STAC: variants seen among roughly 807,000 people sequenced by gnomAD.
STAC encodes SH3 and cysteine-rich domain-containing protein.
STAC carries 43 observed loss-of-function variants against 48.8 expected under a neutral mutation model. The ratio of observed to expected loss-of-function variants is 0.88; its 90% CI spans 0.69 to 1.14. The LOEUF is 1.14. Ranked by LOEUF, STAC falls within the 50% of genes most tolerant of loss-of-function variation. STAC has a pLI of 0.00. For synonymous variants in STAC, 193 were observed against 179.5 expected (o/e 1.07, Z -0.60); for missense variants, 497 against 504.0 (o/e 0.99, Z 0.13).
At chr3:36,398,710 G>GAA (rs1699940195) in intron 1 of STAC, among the ~76,000 whole-genome samples, 1 of 151,654 alleles carries the variant, frequency 6.6e-6, no homozygotes, top group Non-Finnish European at 1.5e-5. Context: ...AAGAAAGAAA[G>GAA]AGAGAAAGAA....
intron 8 of STAC, among the ~76,000 whole-genome samples, chr3:36,511,153 GGTT>G (rs1431143176): frequency 1.3e-5 from 2 of 151,484 alleles, no homozygotes; most frequent in Non-Finnish European, 2.9e-5. Context: ...GTGTTTCAGG[GGTT>G]GTTAAGCTAG....
intron 2 of STAC, among the ~76,000 whole-genome samples, chr3:36,449,981 C>G (rs1387289812): frequency 6.6e-6 from 1 of 152,206 alleles, no homozygotes. Flanking sequence ...TTGGCTCTTC[C>G]TACTGGAACA....
chr3:36,506,044 A>C (rs2125714123), intron 8 of STAC: 1 of 396,034 alleles, frequency 2.5e-6, no homozygotes, highest in Non-Finnish European at 4.6e-6. Flanking sequence ...GGGCCTCAGA[A>C]GTTGCATTCC....
intron 1 of STAC, among the ~76,000 whole-genome samples, chr3:36,399,574 C>T (rs889923509): frequency 6.6e-6 from 1 of 152,134 alleles, no homozygotes; most frequent in Admixed American, 6.5e-5. Flanking sequence ...GGCAAGATTT[C>T]ATTTGGCCAA....
intron 5 of STAC, among the ~76,000 whole-genome samples, chr3:36,490,859 G>A (rs563697443): frequency 6.6e-6 from 1 of 152,244 alleles, no homozygotes; most frequent in South Asian, 2.1e-4. Context: ...CTGGTTTTAG[G>A]AGCAAAAAGC....
chr3:36,543,922 T>C (rs755927698), intron 10 of STAC, among the ~76,000 whole-genome samples: 2 of 152,212 alleles, frequency 1.3e-5, no homozygotes, highest in Non-Finnish European at 2.9e-5. Context: ...AATTTAAATA[T>C]TTAAATTCAA....
At chr3:36,398,601 A>G (rs13317971) in intron 1 of STAC, among the ~76,000 whole-genome samples, 478 of 35,324 alleles carry the variant, frequency 0.014, 16 homozygotes, top group African/African-American at 0.035. Context: ...AGGAAGGAAG[A>G]AAGGAAGGAG....
At chr3:36,465,411 T>C (rs1271963172) in intron 2 of STAC, among the ~76,000 whole-genome samples, 3 of 152,218 alleles carry the variant, frequency 2.0e-5, no homozygotes, top group Non-Finnish European at 4.4e-5. Flanking sequence ...CTGTGGGCTG[T>C]GTGTTAACTC....
chr3:36,421,601 G>GCTCT (rs1170406025), intron 1 of STAC, among the ~76,000 whole-genome samples: 1 of 151,994 alleles, frequency 6.6e-6, no homozygotes, highest in Non-Finnish European at 1.5e-5. Context: ...TAACCCAGAA[G>GCTCT]CTCTCTCTTA....
At chr3:36,480,629 C>A (rs1697616821) in intron 2 of STAC, among the ~76,000 whole-genome samples, 1 of 152,180 alleles carries the variant, frequency 6.6e-6, no homozygotes, top group African/African-American at 2.4e-5. Context: ...TGAAACTAGG[C>A]AGGACCTTCT....
At chr3:36,492,698 TGGAA>T (rs1698023894) in intron 5 of STAC, among the ~76,000 whole-genome samples, 2 of 152,226 alleles carry the variant, frequency 1.3e-5, no homozygotes, top group African/African-American at 2.4e-5. Context: ...TTTGCAGCAG[TGGAA>T]ACAGTATTTA....
rs566149297 is a variant in STAC at position 36,523,612 on chromosome 3, T to G, written c.921-5084T>G. Among the ~76,000 whole-genome samples, 5 of 152,352 alleles carry G rather than the reference T, an allele frequency of 3.3e-5. No homozygotes were observed. In the East Asian group the frequency reaches 9.6e-4, roughly 29 times the overall value. ...CTCCTAAAAGCAAGAGAATAACTAT[T>G]AAGCCAGAGAAGGACTTTTCTCAAA... is the stretch of plus-strand genomic sequence containing the variant. On this transcript the variant is annotated intron_variant, in intron 8 of 10. Coordinates refer to ENST00000273183, the MANE Select transcript of STAC (RefSeq NM_003149.3).
intron 1 of STAC, among the ~76,000 whole-genome samples, chr3:36,435,858 C>T (rs1700820954): frequency 6.6e-6 from 1 of 152,186 alleles, no homozygotes. Flanking sequence ...CAGCTTCTAA[C>T]ACACTCCTCT....
intron 1 of STAC, among the ~76,000 whole-genome samples, chr3:36,427,614 C>T (rs1700597021): frequency 1.3e-5 from 2 of 152,152 alleles, no homozygotes; most frequent in Non-Finnish European, 2.9e-5. Context: ...GATTCACTTC[C>T]AGATTCACTA....
intron 8 of STAC, 39 bp downstream of exon 8, chr3:36,505,873 TAA>T: frequency 7.1e-7 from 1 of 1,404,952 alleles, no homozygotes; most frequent in Non-Finnish European, 9.9e-7. Flanking sequence ...AGTAAAATTT[TAA>T]AGTCAGTATT....
intron 2 of STAC, among the ~76,000 whole-genome samples, chr3:36,470,233 T>C (rs1463785426): frequency 2.0e-5 from 3 of 152,222 alleles, no homozygotes; most frequent in Non-Finnish European, 4.4e-5. Context: ...AGGGCTGCTG[T>C]GAGATTCTTT....
intron 8 of STAC, among the ~76,000 whole-genome samples, chr3:36,507,975 T>C (rs1164429739): frequency 1.3e-5 from 2 of 152,164 alleles, no homozygotes; most frequent in African/African-American, 4.8e-5. Flanking sequence ...TCAAATTTGT[T>C]TGCTCTTGCT....
chr3:36,409,351 T>C (rs1460997513), intron 1 of STAC, among the ~76,000 whole-genome samples: 1 of 152,216 alleles, frequency 6.6e-6, no homozygotes, highest in Non-Finnish European at 1.5e-5. Flanking sequence ...TGATTTATGC[T>C]TAACAAGGTT....
Position 36,493,208 on chromosome 3 carries a change from C to T in STAC, c.745C>T (p.Leu249=), listed in dbSNP as rs748552503. The T allele has an allele frequency of 2.5e-6, 4 of 1,613,478 alleles. No individual in the cohort carries two copies. The highest frequency in any genetic ancestry group is 2.5e-6 in the Non-Finnish European group (3 of 1,179,612). The part of the protein sequence containing the change: ...EANGPGGGYD[L]RKRSNSVFTY... Reference sequence around the variant, plus strand: ...CAATGGGCCAGGAGGCGGGTATGACCTAAGGAAACGCAGCAACAGCGGTGA... The same window carrying T: ...CAATGGGCCAGGAGGCGGGTATGACTTAAGGAAACGCAGCAACAGCGGTGA... Residue 249 remains leucine, a synonymous_variant, in exon 6 of 11, where the codon CTA becomes TTA. Coordinates refer to ENST00000273183, the MANE Select transcript of STAC (RefSeq NM_003149.3).
Sources: allele counts gnomAD v4.1 joint callset (sites outside exome capture counted in the v4.1 genomes callset), GRCh38; gene constraint gnomAD v4.1.1; transcripts MANE v1.5; gene names NCBI Gene and HGNC (gene_info 2026-07-23, HGNC 2026-07-21).